SGSM1: variants seen among roughly 807,000 people sequenced by gnomAD.
SGSM1 encodes RUN and TBC1 domain containing 2.
SGSM1 carries 73 observed loss-of-function variants against 133.8 expected under a neutral mutation model. That is an observed-to-expected ratio of 0.55 (90% CI 0.45 to 0.66). The LOEUF (loss-of-function observed/expected upper bound fraction) is 0.66. Among genes scored for constraint, SGSM1 ranks in the 30% least tolerant of loss-of-function variants. SGSM1 has a pLI of 0.00. For synonymous variants in SGSM1, 563 were observed against 573.0 expected (o/e 0.98, Z 0.25); for missense variants, 1,213 against 1,448.1 (o/e 0.84, Z 2.64).
intron 2 of SGSM1, among the ~76,000 whole-genome samples, chr22:24,840,638 C>G (rs1233916838): frequency 6.6e-6 from 1 of 152,024 alleles, no homozygotes; most frequent in Non-Finnish European, 1.5e-5. Flanking sequence ...CCACCATGCC[C>G]AGCCTAATCT....
At chr22:24,850,793 A>C (rs1930411044) in intron 5 of SGSM1, among the ~76,000 whole-genome samples, 1 of 152,210 alleles carries the variant, frequency 6.6e-6, no homozygotes, top group Non-Finnish European at 1.5e-5. Context: ...GTGAATATGC[A>C]GCATTTTGCA....
rs1270765481 is a variant in SGSM1 at position 24,924,581 on chromosome 22, A to G, written c.*307A>G. The G allele has an allele frequency of 9.6e-6, 4 of 414,522 alleles. No individual in the cohort carries two copies. The highest frequency in any genetic ancestry group is 1.8e-5 in the Non-Finnish European group (4 of 224,100). 25.7% of individuals were successfully genotyped at this position (414,522 alleles called of 1,614,324 possible). ...CCATCTTTGTTTGCTGGTGCCCGGAATGGTCTCCTCTTCTTCTTTCCCTAT... is the reference window on the plus strand; with the variant it reads ...CCATCTTTGTTTGCTGGTGCCCGGAGTGGTCTCCTCTTCTTCTTTCCCTAT... On this transcript the variant is annotated 3_prime_UTR_variant, in exon 25 of 25. Coordinates refer to ENST00000400358, the MANE Select transcript of SGSM1 (RefSeq NM_001098497.3).
rs142429837 is a variant in SGSM1 at position 24,921,466 on chromosome 22, A to G, written c.3193+1473A>G. ...TCTATAACTTACTGAACCATTTCTT[A>G]TCATTAGCATGTAGGTTATTTTCAG... On this transcript the variant is annotated intron_variant, in intron 24 of 24. Transcript: ENST00000400358. Among the ~76,000 whole-genome samples the G allele has an allele frequency of 4.7e-4, 71 of 152,292 alleles. No homozygotes were observed. In the East Asian group the frequency reaches 0.011, roughly 24 times the overall value.
At chr22:24,831,899 A>T (rs1217026139) in intron 2 of SGSM1, among the ~76,000 whole-genome samples, 1 of 152,220 alleles carries the variant, frequency 6.6e-6, no homozygotes, top group South Asian at 2.1e-4. Flanking sequence ...GTGGTTAGAA[A>T]GAGGAAGGGG....
chr22:24,896,365 G>A (rs1021116811), intron 18 of SGSM1, among the ~76,000 whole-genome samples: 2 of 151,972 alleles, frequency 1.3e-5, no homozygotes, highest in Non-Finnish European at 2.9e-5. Context: ...TGAAAACACA[G>A]AAACACATGA....
intron 5 of SGSM1, among the ~76,000 whole-genome samples, chr22:24,854,263 G>A (rs1930647990): frequency 6.6e-6 from 1 of 152,188 alleles, no homozygotes; most frequent in South Asian, 2.1e-4. Context: ...CTGTTACACA[G>A]CCTTTCAGTA....
intron 14 of SGSM1, among the ~76,000 whole-genome samples, chr22:24,882,649 T>C (rs536460143): frequency 6.6e-6 from 1 of 152,278 alleles, no homozygotes; most frequent in African/African-American, 2.4e-5. Context: ...AACCAACGTC[T>C]CTGCATCCTT....
intron 8 of SGSM1, chr22:24,859,499 G>A (rs1315952048): frequency 4.8e-6 from 3 of 630,156 alleles, no homozygotes; most frequent in Non-Finnish European, 8.7e-6. Context: ...TTCACAGCTG[G>A]ACGATGTAGA....
At chr22:24,909,273 C>T (rs1476807945) in intron 21 of SGSM1, among the ~76,000 whole-genome samples, 1 of 151,994 alleles carries the variant, frequency 6.6e-6, no homozygotes, top group East Asian at 1.9e-4. Context: ...TGTTCTACAT[C>T]GTTACTCATT....
chr22:24,845,778 A>G (rs1367684751), intron 3 of SGSM1, among the ~76,000 whole-genome samples: 1 of 151,678 alleles, frequency 6.6e-6, no homozygotes, highest in Non-Finnish European at 1.5e-5. Flanking sequence ...GGAGGCAAGG[A>G]CCTCAGTTCA....
At chr22:24,856,879 C>T (rs1485452627) in intron 8 of SGSM1, among the ~76,000 whole-genome samples, 1 of 151,772 alleles carries the variant, frequency 6.6e-6, no homozygotes, top group African/African-American at 2.4e-5. Context: ...CACCATTCTC[C>T]TGCCTCAGCC....
At chr22:24,894,368 G>A (rs190538333) in intron 17 of SGSM1, among the ~76,000 whole-genome samples, 8 of 152,312 alleles carry the variant, frequency 5.3e-5, no homozygotes, top group East Asian at 1.9e-4. Flanking sequence ...ACTCCAGCAC[G>A]GGCAACGAGC....
At chr22:24,822,252 G>A (rs1014486478) in intron 2 of SGSM1, among the ~76,000 whole-genome samples, 2 of 151,704 alleles carry the variant, frequency 1.3e-5, no homozygotes, top group East Asian at 1.9e-4. Flanking sequence ...CACCACGCCC[G>A]GCCAATTTTT....
At chr22:24,898,696 A>C in intron 19 of SGSM1, 137 bp downstream of exon 19, 1 of 829,194 alleles carries the variant, frequency 1.2e-6, no homozygotes, top group Non-Finnish European at 1.8e-6. Context: ...TGGAGGATTC[A>C]CTGTAGAAAC....
chr22:24,839,237 A>G (rs1929650664), intron 2 of SGSM1, among the ~76,000 whole-genome samples: 1 of 151,786 alleles, frequency 6.6e-6, no homozygotes, highest in Admixed American at 6.6e-5. Context: ...GTATTTTTGT[A>G]TTTTTTTGTA....
intron 5 of SGSM1, among the ~76,000 whole-genome samples, chr22:24,851,405 T>A (rs1421861124): frequency 8.4e-6 from 1 of 118,728 alleles, no homozygotes; most frequent in Non-Finnish European, 1.6e-5. Flanking sequence ...CCAGCATGCC[T>A]CTCCAGCCCC....
At chr22:24,874,607 G>C (rs1217417824) in intron 12 of SGSM1, 1 of 1,549,574 alleles carries the variant, frequency 6.5e-7, no homozygotes, top group South Asian at 1.2e-5. Flanking sequence ...CCCGTCCCCA[G>C]GGGCTGGGTG....
In SGSM1 at chr22:24,924,220, G is replaced by A. The variant is rs535208462; in HGVS notation, c.3228G>A (p.Leu1076=). The change falls in exon 25 of 25, where the codon CTG becomes CTA. Residue 1076 remains leucine (L), a synonymous_variant. Coordinates refer to ENST00000400358, the MANE Select transcript of SGSM1 (RefSeq NM_001098497.3). ...AGCGACACAACACCAAGCAAGTCCT[G>A]AAGCTGGCGCGGGACCTCGTGTACA... ...MAERHNTKQV[L]KLARDLVYKV... 9 of 1,613,990 alleles carry A rather than the reference G, an allele frequency of 5.6e-6. No homozygotes were observed. In the East Asian group the frequency reaches 2.0e-4, roughly 36 times the overall value.
rs116852790 is a variant in SGSM1 at position 24,859,721 on chromosome 22, C to T, written c.807C>T (p.Asp269=). The change falls in exon 9 of 25, where the codon GAC becomes GAT. Residue 269 remains aspartate, a synonymous_variant. Transcript: ENST00000400358. ...GAGTCCTCCTCTCTCTGCAGAGGGA[C>T]GACATGGAGGCTGTGCCAGGGTACC... ...GKNNVLVQPR[D]DMEAVPGYLS... is the part of the protein sequence containing the mutation. 4.8e-3 allele frequency: 7,751 copies of T among 1,613,798 alleles called. 256 individuals carry two copies. The East Asian group carries it at 0.07, about 15-fold the overall frequency.
Sources: gnomAD v4.1 joint callset for allele counts (sites outside exome capture counted in the v4.1 genomes callset) on GRCh38, gnomAD v4.1.1 for gene constraint, MANE v1.5 for transcripts, NCBI Gene and HGNC (gene_info 2026-07-23, HGNC 2026-07-21) for gene names.